The following PKD2 variants were observed in gnomAD, a reference collection of about 807,000 sequenced individuals.
PKD2 encodes polycystin-2.
Under a neutral mutation model 105.9 loss-of-function variants are expected in PKD2, and 48 were observed. That is an observed-to-expected ratio of 0.45 (90% CI 0.36 to 0.58). The LOEUF (loss-of-function observed/expected upper bound fraction) is 0.58. Among genes scored for constraint, PKD2 ranks in the 20% least tolerant of loss-of-function variants. PKD2 has a pLI of 0.00. For synonymous variants in PKD2, 464 were observed against 481.1 expected, an observed-to-expected ratio of 0.96 and a Z score of 0.46; for missense variants, 1,078 against 1,255.3, an observed-to-expected ratio of 0.86 and a Z score of 2.13.
intron 2 of PKD2, among the ~76,000 whole-genome samples, chr4:88,026,523 G>C (rs934025660): frequency 5.3e-5 from 8 of 152,234 alleles, no homozygotes; most frequent in African/African-American, 1.7e-4. Flanking sequence ...GGGAAGCAGA[G>C]TGCAACAAAA....
intron 4 of PKD2, among the ~76,000 whole-genome samples, chr4:88,040,961 A>G (rs1351121154): frequency 1.3e-5 from 2 of 152,150 alleles, no homozygotes; most frequent in African/African-American, 4.8e-5. Flanking sequence ...CCCCTCTTCT[A>G]GTAGTGCCCT....
At position 88,076,594 on chromosome 4, in the gene PKD2, T is replaced by G. The variant is rs1721242192; in HGVS notation, c.*900T>G. 1 of 152,242 alleles carries G rather than the reference T, an allele frequency of 6.6e-6. No homozygotes were observed. Among genetic ancestry groups the G allele is most frequent in the South Asian group, 2.1e-4 (1 of 4,832 alleles). The allele number at this position is 152,242 out of a possible 1,614,324, so 9.4% of individuals were successfully genotyped here. A position where few individuals can be genotyped will look rare whatever the true frequency, so the allele number is the denominator to read the frequency against. On this transcript the variant is annotated 3_prime_UTR_variant, in exon 15 of 15. Transcript: ENST00000237596. ...AGACCAACTTACTAAATTTTTAGTA[T>G]GCACTGAAAGTTTTTATCCAACAAT...
intron 5 of PKD2, among the ~76,000 whole-genome samples, chr4:88,044,893 A>G (rs1367714221): frequency 6.6e-6 from 1 of 152,200 alleles, no homozygotes; most frequent in African/African-American, 2.4e-5. Flanking sequence ...TGGCCAAAAA[A>G]AAAGAAAGAA....
intron 13 of PKD2, among the ~76,000 whole-genome samples, chr4:88,071,725 C>A (rs1338616506): frequency 6.6e-6 from 1 of 152,088 alleles, no homozygotes; most frequent in Non-Finnish European, 1.5e-5. Flanking sequence ...TGACTTTATT[C>A]CTTAGAGGGC....
At chr4:88,041,592 A>G (rs1727566654) in intron 4 of PKD2, among the ~76,000 whole-genome samples, 2 of 152,206 alleles carry the variant, frequency 1.3e-5, no homozygotes, top group South Asian at 4.1e-4. Flanking sequence ...ACATGTGTGA[A>G]ATGTCTATCA....
At position 88,008,313 on chromosome 4, in the gene PKD2, G is replaced by C. The variant is rs1363807032; in HGVS notation, c.580G>C (p.Val194Leu). Residue 194 changes from valine (V) to leucine (L), a missense_variant, in exon 1 of 15, where the codon GTT becomes CTT. Physicochemically the swap from Val to Leu is conservative, Grantham distance 32. Around this residue, in one of 2 missense-constraint regions of PKD2, gnomAD observed 868 missense variants for 1,067.3 expected, o/e 0.81. Transcript: ENST00000237596. Reference protein sequence around the residue: ...PPRVAWAERLVRGLRGLWGTR... With the variant: ...PPRVAWAERLLRGLRGLWGTR... ...CCGAGTGGCCTGGGCGGAGAGGCTG[G>C]TTCGCGGGCTGCGAGGTAAGAGCGC... 9 of 1,512,940 alleles carry C rather than the reference G, an allele frequency of 5.9e-6. No homozygotes were observed. The East Asian group carries it at 2.0e-4, about 34-fold the overall frequency. The allele number at this position is 1,512,940 out of a possible 1,614,324, so 93.7% of individuals were successfully genotyped here. A position where few individuals can be genotyped will look rare whatever the true frequency, so the allele number is the denominator to read the frequency against.
intron 13 of PKD2, among the ~76,000 whole-genome samples, chr4:88,070,595 TATATATAGAGAGAG>T (rs1348305090): frequency 2.0e-5 from 2 of 98,434 alleles, no homozygotes; most frequent in South Asian, 3.1e-4. Flanking sequence ...TATATATATA[TATATATAGAGAGAG>T]AGAGAGAGAG....
At chr4:88,059,292 C>T (rs887229539) in intron 9 of PKD2, among the ~76,000 whole-genome samples, 5 of 152,112 alleles carry the variant, frequency 3.3e-5, no homozygotes, top group African/African-American at 9.7e-5. Flanking sequence ...TTTAAACTTA[C>T]ACCTCTTAAG....
chr4:88,044,829 A>C (rs543116075), intron 5 of PKD2, among the ~76,000 whole-genome samples: 15 of 152,226 alleles, frequency 9.9e-5, no homozygotes, highest in Admixed American at 9.8e-4. Context: ...ATTTTGAAGC[A>C]TTTTATATTT....
At chr4:88,037,049 G>A (rs1727359245) in intron 3 of PKD2, among the ~76,000 whole-genome samples, 1 of 152,238 alleles carries the variant, frequency 6.6e-6, no homozygotes, top group East Asian at 1.9e-4. Context: ...GCACAACATA[G>A]TATGACTTTG....
intron 1 of PKD2, among the ~76,000 whole-genome samples, chr4:88,011,157 C>T (rs887023840): frequency 2.6e-5 from 4 of 152,140 alleles, no homozygotes; most frequent in East Asian, 1.9e-4. Context: ...TTAAAAGTAT[C>T]CTCAAGTATT....
Position 88,038,334 on chromosome 4 carries a change from C to T in PKD2, c.927C>T (p.Ile309=). The T allele has an allele frequency of 6.2e-6, 10 of 1,614,008 alleles. No individual in the cohort carries two copies. Among genetic ancestry groups the T allele is most frequent in the Non-Finnish European group, 8.5e-6 (10 of 1,179,870 alleles). The stretch of plus-strand genomic sequence containing the variant: ...CTGAAGCTGACAACCGAAGTTTCAT[C>T]TTCTATGAGAACCTGCTGTTAGGGG... The part of the protein sequence containing the change: ...NQTEADNRSF[I]FYENLLLGVP... Residue 309 remains isoleucine, a synonymous_variant, in exon 4 of 15, where the codon ATC becomes ATT. Coordinates refer to ENST00000237596, the MANE Select transcript of PKD2 (RefSeq NM_000297.4).
intron 6 of PKD2, 28 bp downstream of exon 6, chr4:88,046,898 C>G (rs750719254): frequency 8.1e-7 from 1 of 1,240,568 alleles, no homozygotes. Flanking sequence ...ACCAAATTTC[C>G]TATTCTATTC....
chr4:88,050,543 A>G (rs1220156256), intron 6 of PKD2, among the ~76,000 whole-genome samples: 2 of 152,228 alleles, frequency 1.3e-5, no homozygotes, highest in Non-Finnish European at 2.9e-5. Context: ...TTGATGTTGT[A>G]TAAATGACCA....
intron 4 of PKD2, among the ~76,000 whole-genome samples, chr4:88,039,900 C>T (rs970524608): frequency 1.3e-5 from 2 of 152,126 alleles, no homozygotes; most frequent in South Asian, 4.1e-4. Context: ...TGCCACCATG[C>T]CCAGCTTTAT....
intron 4 of PKD2, among the ~76,000 whole-genome samples, chr4:88,039,044 T>C (rs1054905653): frequency 5.3e-5 from 8 of 152,226 alleles, no homozygotes; most frequent in African/African-American, 1.9e-4. Flanking sequence ...TTGGTACTCC[T>C]ACTTCAAACA....
intron 13 of PKD2, among the ~76,000 whole-genome samples, chr4:88,071,546 T>G (rs1560630714): frequency 6.6e-6 from 1 of 152,156 alleles, no homozygotes; most frequent in African/African-American, 2.4e-5. Flanking sequence ...TTTGTTTTGT[T>G]TTTTGTTGTT....
chr4:88,067,610 A>G (rs1056630331), intron 12 of PKD2, among the ~76,000 whole-genome samples: 1 of 152,224 alleles, frequency 6.6e-6, no homozygotes, highest in Non-Finnish European at 1.5e-5. Context: ...TATTAGGATT[A>G]CAGGTGTGAC....
intron 1 of PKD2, among the ~76,000 whole-genome samples, chr4:88,014,261 G>A (rs1304031946): frequency 6.6e-6 from 1 of 152,136 alleles, no homozygotes; most frequent in East Asian, 1.9e-4. Context: ...CAAATTTTGC[G>A]GGAGGTGAGT....
Sources: allele counts gnomAD v4.1 joint callset (sites outside exome capture counted in the v4.1 genomes callset), GRCh38; gene constraint gnomAD v4.1.1; regional missense constraint gnomAD v4.1.1; transcripts MANE v1.5; gene names NCBI Gene and HGNC (gene_info 2026-07-23, HGNC 2026-07-21).